MEMO1: variants seen among roughly 807,000 people sequenced by gnomAD.
MEMO1 encodes protein MEMO1.
In MEMO1, 6 loss-of-function variants were observed where a neutral mutation model predicts 45.2. That is an observed-to-expected ratio of 0.13 (90% CI 0.07 to 0.26). The LOEUF (loss-of-function observed/expected upper bound fraction) is 0.26. MEMO1 is among the 10% of genes least tolerant of loss of function. MEMO1 has a pLI of 1.00. For missense variants in MEMO1, 184 were observed against 370.5 expected, an observed-to-expected ratio of 0.50 and a Z score of 4.13; for synonymous variants, 78 against 124.3, an observed-to-expected ratio of 0.63 and a Z score of 2.48.
intron 6 of MEMO1, among the ~76,000 whole-genome samples, chr2:31,916,556 A>G (rs1427261828): frequency 6.6e-6 from 1 of 152,174 alleles, no homozygotes; most frequent in Non-Finnish European, 1.5e-5. Flanking sequence ...TCTAAATTAT[A>G]TTTTCTCATG....
intron 6 of MEMO1, 88 bp from the exon 7 acceptor site, chr2:31,892,222 G>A: frequency 8.9e-7 from 1 of 1,119,990 alleles, no homozygotes; most frequent in Non-Finnish European, 1.3e-6. Context: ...AGTGGAATAT[G>A]TATTAATAGT....
At chr2:31,884,451 G>A (rs548919052) in intron 7 of MEMO1, among the ~76,000 whole-genome samples, 3 of 152,194 alleles carry the variant, frequency 2.0e-5, no homozygotes, top group East Asian at 3.9e-4. Flanking sequence ...TGTGCTTCAC[G>A]TTCAGAGCAA....
chr2:32,006,483 T>C (rs1674083044), intron 2 of MEMO1, among the ~76,000 whole-genome samples: 1 of 152,104 alleles, frequency 6.6e-6, no homozygotes, highest in South Asian at 2.1e-4. Flanking sequence ...AGAGTAAATA[T>C]TTCAGACTTT....
intron 2 of MEMO1, among the ~76,000 whole-genome samples, chr2:31,961,308 G>C (rs71446032): frequency 6.6e-6 from 1 of 151,730 alleles, no homozygotes. Flanking sequence ...TAGTGAGCGA[G>C]ATCACACCAT....
chr2:31,911,673 G>A (rs980269798), intron 6 of MEMO1, among the ~76,000 whole-genome samples: 3 of 152,140 alleles, frequency 2.0e-5, no homozygotes, highest in Non-Finnish European at 4.4e-5. Flanking sequence ...TTCTCACTTA[G>A]GGAACTCAAA....
intron 2 of MEMO1, among the ~76,000 whole-genome samples, chr2:32,009,371 A>AC (rs1674512254): frequency 1.5e-5 from 2 of 130,398 alleles, no homozygotes; most frequent in East Asian, 2.3e-4. Flanking sequence ...GAGCCCCCCC[A>AC]CCCCCAAGCC....
At chr2:32,010,077 G>T (rs1674661686) in intron 2 of MEMO1, 110 bp downstream of exon 2, 1 of 409,884 alleles carries the variant, frequency 2.4e-6, no homozygotes, top group African/African-American at 2.2e-5. Context: ...GCCCGTCCGC[G>T]CCCTCTTCCC....
At chr2:31,967,643 G>T (rs62142082) in intron 2 of MEMO1, among the ~76,000 whole-genome samples, 2 of 151,700 alleles carry the variant, frequency 1.3e-5, no homozygotes, top group African/African-American at 4.8e-5. Flanking sequence ...AAGGTTTCAC[G>T]ATATTGTCCA....
chr2:31,994,575 G>A (rs998857500), intron 2 of MEMO1, among the ~76,000 whole-genome samples: 1 of 151,594 alleles, frequency 6.6e-6, no homozygotes, highest in African/African-American at 2.4e-5. Context: ...AGGTTGCAGT[G>A]AGCCGAGATT....
chr2:31,993,191 T>C (rs545723340), intron 2 of MEMO1, among the ~76,000 whole-genome samples: 1 of 152,126 alleles, frequency 6.6e-6, no homozygotes, highest in South Asian at 2.1e-4. Flanking sequence ...GAAAGAAAGA[T>C]ATGAAAACAT....
At chr2:31,934,318 C>T (rs530862949) in intron 3 of MEMO1, among the ~76,000 whole-genome samples, 2 of 152,178 alleles carry the variant, frequency 1.3e-5, no homozygotes, top group African/African-American at 4.8e-5. Flanking sequence ...TCTAAATCAA[C>T]CTGTCTTTCT....
At chr2:31,913,952 G>A (rs751967365) in intron 6 of MEMO1, among the ~76,000 whole-genome samples, 1 of 152,096 alleles carries the variant, frequency 6.6e-6, no homozygotes, top group Non-Finnish European at 1.5e-5. Context: ...GTGATGCTGT[G>A]CCAGTTCTAG....
intron 5 of MEMO1, among the ~76,000 whole-genome samples, chr2:31,918,945 A>ATG (rs1379615939): frequency 6.6e-6 from 1 of 152,052 alleles, no homozygotes; most frequent in Non-Finnish European, 1.5e-5. Context: ...TAAAAGTAAA[A>ATG]TGTGTTCCCT....
rs541037952 is a variant in MEMO1, at chr2:31,872,598, A to G, written c.658-2646T>C. Among the ~76,000 whole-genome samples, 7 of 152,312 alleles carry G rather than the reference A, an allele frequency of 4.6e-5. No individual in the cohort carries two copies. In the South Asian group the frequency reaches 1.4e-3, roughly 32 times the overall value. ...AGAAAACCTAATATAGAAAAACAGG[A>G]GATTAAATGCAGAAAAAATACTACT... On this transcript the variant is annotated intron_variant, in intron 8 of 9. Transcript: ENST00000404530.
chr2:31,971,654 G>A (rs964551032), intron 2 of MEMO1, among the ~76,000 whole-genome samples: 1 of 152,014 alleles, frequency 6.6e-6, no homozygotes, highest in African/African-American at 2.4e-5. Context: ...TGGAACTACA[G>A]GCACAAAAAC....
At chr2:31,901,603 T>A (rs1418446307) in intron 6 of MEMO1, among the ~76,000 whole-genome samples, 1 of 151,906 alleles carries the variant, frequency 6.6e-6, no homozygotes, top group Non-Finnish European at 1.5e-5. Context: ...GGTTTCTTTT[T>A]AGGGTGATGA....
At chr2:31,939,215 G>C (rs1665319853) in intron 3 of MEMO1, among the ~76,000 whole-genome samples, 1 of 151,612 alleles carries the variant, frequency 6.6e-6, no homozygotes, top group Admixed American at 6.6e-5. Flanking sequence ...TAACGAAATA[G>C]AAATTGCCTA....
intron 2 of MEMO1, among the ~76,000 whole-genome samples, chr2:31,970,190 TGAACTCCTGACCTCAA>T (rs1240600710): frequency 2.0e-5 from 3 of 151,662 alleles, no homozygotes; most frequent in Non-Finnish European, 4.4e-5. Context: ...CAGGCTGGTC[TGAACTCCTGACCTCAA>T]GCAATCCGCC....
chr2:31,894,717 T>C (rs561746305), intron 6 of MEMO1, among the ~76,000 whole-genome samples: 103 of 152,172 alleles, frequency 6.8e-4, no homozygotes, highest in African/African-American at 2.3e-3. Context: ...AACAGAAAAT[T>C]TGGGTACGTG....
Sources: allele counts gnomAD v4.1 joint callset (sites outside exome capture counted in the v4.1 genomes callset), GRCh38; gene constraint gnomAD v4.1.1; transcripts MANE v1.5; gene names NCBI Gene and HGNC (gene_info 2026-07-23, HGNC 2026-07-21).